The following TIAM1 variants were observed in gnomAD, a reference collection of about 807,000 sequenced individuals.
TIAM1 encodes TIAM Rac1 associated GEF 1, also known as rho guanine nucleotide exchange factor TIAM1.
A neutral mutation model predicts 163.5 loss-of-function variants in TIAM1; 65 were observed. That is an observed-to-expected ratio of 0.40 (90% CI 0.33 to 0.49). The LOEUF (loss-of-function observed/expected upper bound fraction) is 0.49, where lower values mean the gene tolerates loss of function less well. Ranked by LOEUF, TIAM1 falls within the 20% of genes least tolerant of loss-of-function variation. TIAM1 has a pLI of 0.77. For synonymous variants in TIAM1, 833 were observed against 810.1 expected (o/e 1.03, Z -0.48); for missense variants, 1,789 against 2,044.7 (o/e 0.87, Z 2.41).
rs57981769 is a variant in TIAM1 at position 31,173,532 on chromosome 21, A to AAGAGAG, written c.2888-8473_2888-8468dup. 1.2e-3 allele frequency among the ~76,000 whole-genome samples: 184 copies of AAGAGAG among 148,092 alleles called. No homozygotes were observed. In the Middle Eastern group the frequency reaches 0.014, roughly 11 times the overall value. On this transcript the variant is annotated intron_variant, in intron 15 of 27. Coordinates refer to ENST00000541036, the MANE Select transcript of TIAM1 (RefSeq NM_001353694.2). ...CAAGAAAGAAAGAGAGAGCGAGAGAAAGAGAGAGAGAGAGAGAGAGAAAAG... is the reference window on the plus strand; with the variant it reads ...CAAGAAAGAAAGAGAGAGCGAGAGAAAGAGAGAGAGAGAGAGAGAGAGAGAGAAAAG...
chr21:31,374,964 CAG>C (rs766842401), intron 2 of TIAM1, among the ~76,000 whole-genome samples: 3 of 152,162 alleles, frequency 2.0e-5, no homozygotes, highest in Non-Finnish European at 4.4e-5. Context: ...TGAGGGGAAG[CAG>C]AGAGAAATTT....
At chr21:31,227,465 A>G (rs955096905) in intron 6 of TIAM1, among the ~76,000 whole-genome samples, 14 of 152,366 alleles carry the variant, frequency 9.2e-5, no homozygotes, top group Admixed American at 7.2e-4. Flanking sequence ...CTGGTCCAGC[A>G]GTTGTTATGT....
chr21:31,241,962 A>T (rs2071203388), intron 6 of TIAM1, among the ~76,000 whole-genome samples: 1 of 152,102 alleles, frequency 6.6e-6, no homozygotes, highest in Non-Finnish European at 1.5e-5. Flanking sequence ...GTGAGCTATG[A>T]TTGCACCACT....
intron 2 of TIAM1, among the ~76,000 whole-genome samples, chr21:31,337,860 T>G (rs1361782240): frequency 6.6e-6 from 1 of 152,026 alleles, no homozygotes; most frequent in Non-Finnish European, 1.5e-5. Context: ...TTTTTACCCC[T>G]TGAAAAAGGC....
At chr21:31,157,961 A>G (rs866880965) in intron 16 of TIAM1, among the ~76,000 whole-genome samples, 2 of 152,184 alleles carry the variant, frequency 1.3e-5, no homozygotes, top group Admixed American at 6.5e-5. Flanking sequence ...AGACAAAGGA[A>G]CCTAACACAT....
intron 23 of TIAM1, among the ~76,000 whole-genome samples, chr21:31,134,502 C>T (rs1260015990): frequency 2.0e-5 from 3 of 152,010 alleles, no homozygotes; most frequent in Admixed American, 2.0e-4. Context: ...TTTCTCTGCA[C>T]TTACATTTGT....
At chr21:31,130,773 G>A in intron 24 of TIAM1, 117 bp downstream of exon 24, 1 of 969,874 alleles carries the variant, frequency 1.0e-6, no homozygotes, top group Non-Finnish European at 1.6e-6. Context: ...CAATGCTTAA[G>A]AAAGAAAAAA....
chr21:31,337,391 G>A (rs1281250043), intron 2 of TIAM1, among the ~76,000 whole-genome samples: 3 of 152,042 alleles, frequency 2.0e-5, no homozygotes. Flanking sequence ...AAGACAGCAG[G>A]AGCGAAAGCA....
At chr21:31,309,260 C>G (rs2074833195) in intron 2 of TIAM1, among the ~76,000 whole-genome samples, 2 of 152,066 alleles carry the variant, frequency 1.3e-5, no homozygotes, top group African/African-American at 4.8e-5. Context: ...GAGTCCAAGA[C>G]CAGCGTGGCC....
At chr21:31,453,762 C>T (rs970056288) in intron 2 of TIAM1, among the ~76,000 whole-genome samples, 1 of 149,198 alleles carries the variant, frequency 6.7e-6, no homozygotes, top group African/African-American at 2.5e-5. Flanking sequence ...AAAGAAAGTG[C>T]AGTAGAATGA....
intron 2 of TIAM1, among the ~76,000 whole-genome samples, chr21:31,376,756 T>A (rs1368163409): frequency 1.3e-5 from 2 of 151,978 alleles, no homozygotes; most frequent in Non-Finnish European, 2.9e-5. Context: ...TAGAATGCCT[T>A]CTGTAATATC....
At chr21:31,254,402 A>G (rs1046728655) in intron 4 of TIAM1, among the ~76,000 whole-genome samples, 3 of 152,182 alleles carry the variant, frequency 2.0e-5, no homozygotes, top group African/African-American at 7.2e-5. Flanking sequence ...CTGTCTAAAT[A>G]TTCAGTCTCA....
At chr21:31,294,375 G>C (rs2074152360) in intron 2 of TIAM1, among the ~76,000 whole-genome samples, 1 of 152,236 alleles carries the variant, frequency 6.6e-6, no homozygotes, top group Non-Finnish European at 1.5e-5. Flanking sequence ...GAGAAAGCAA[G>C]CTGAGAGTGT....
At chr21:31,559,061 G>A (rs909837224), upstream of TIAM1, 3 of 151,886 alleles carry the variant, frequency 2.0e-5, no homozygotes, top group South Asian at 2.1e-4. Context: ...CTGCTCTGCC[G>A]GCCGCGCTCG....
At position 31,154,445 on chromosome 21, in the gene TIAM1, A is replaced by G. The variant is rs765954087; in HGVS notation, c.2992-19T>C. On this transcript the variant is annotated intron_variant, in intron 16 of 27. Coordinates refer to ENST00000541036, the MANE Select transcript of TIAM1 (RefSeq NM_001353694.2). ...CTGTACTCTTCGGAGCACAGGGGGGAAGGGAAGGCAGAGGTCATTATCCCT... is the reference window on the plus strand; with the variant it reads ...CTGTACTCTTCGGAGCACAGGGGGGGAGGGAAGGCAGAGGTCATTATCCCT... The G allele has an allele frequency of 8.7e-6, 14 of 1,605,968 alleles. No homozygotes were observed. The highest frequency in any genetic ancestry group is 5.4e-5 in the African/African-American group (4 of 74,664).
rs527864043 is a variant in TIAM1 at position 31,222,707 on chromosome 21, ATTTTTTTT to A, written c.1995+691_1995+698del. 4.8e-3 allele frequency among the ~76,000 whole-genome samples: 156 copies of A among 32,758 alleles called. 1 individual carries two copies. Among genetic ancestry groups the A allele is most frequent in the Non-Finnish European group, 6.8e-3 (141 of 20,690 alleles). 21.5% of individuals were successfully genotyped at this position (32,758 alleles called of 152,430 possible). On this transcript the variant is annotated intron_variant, in intron 8 of 27. Coordinates refer to ENST00000541036, the MANE Select transcript of TIAM1 (RefSeq NM_001353694.2). Reference sequence around the variant, plus strand: ...TATATATATATATATATATATATATATTTTTTTTTTTTTTTTTTTTTTTTTTTTGAGAC... The same window carrying A: ...TATATATATATATATATATATATATATTTTTTTTTTTTTTTTTTTTGAGAC...
chr21:31,525,198 G>C lies in TIAM1; in HGVS notation c.-422+33729C>G, dbSNP rs2047736889. Among the ~76,000 whole-genome samples, 6 of 151,808 alleles carry C rather than the reference G, an allele frequency of 4.0e-5. 1 individual carries two copies. The South Asian group carries it at 8.4e-4, about 21-fold the overall frequency. On this transcript the variant is annotated intron_variant, in intron 1 of 28. Coordinates refer to the TIAM1 transcript ENST00000286827. ...CAGCCTGGCCAACATGGTGACACCT[G>C]TCTCTAATAAAAACACAAAAATTAG...
Position 31,233,914 on chromosome 21 carries a change from G to T in TIAM1, c.1585-7964C>A, listed in dbSNP as rs575658037. Reference sequence around the variant, plus strand: ...CCTGCCTGAGGAAGGGCAGTGGCAGGATTCATCTCTGGCAAAGCTCAGTCG... The same window carrying T: ...CCTGCCTGAGGAAGGGCAGTGGCAGTATTCATCTCTGGCAAAGCTCAGTCG... On this transcript the variant is annotated intron_variant, in intron 6 of 27. Transcript: ENST00000541036. Among the ~76,000 whole-genome samples, 16 of 152,318 alleles carry T rather than the reference G, an allele frequency of 1.1e-4. No individual in the cohort carries two copies. In the East Asian group the frequency reaches 2.7e-3, roughly 26 times the overall value.
chr21:31,439,035 G>A (rs941614031), intron 2 of TIAM1, among the ~76,000 whole-genome samples: 1 of 152,174 alleles, frequency 6.6e-6, no homozygotes, highest in African/African-American at 2.4e-5. Context: ...TTAACATGCT[G>A]ACTATAATCA....
Sources: allele counts gnomAD v4.1 joint callset (sites outside exome capture counted in the v4.1 genomes callset), GRCh38; gene constraint gnomAD v4.1.1; transcripts MANE v1.5; gene names NCBI Gene and HGNC (gene_info 2026-07-23, HGNC 2026-07-21).